DOCK7: variants seen among roughly 807,000 people sequenced by gnomAD.
DOCK7 encodes the protein dedicator of cytokinesis protein 7.
In DOCK7, 138 loss-of-function variants were observed where a neutral mutation model predicts 271.0. The ratio of observed to expected loss-of-function variants is 0.51; its 90% confidence interval spans 0.44 to 0.59. The LOEUF is 0.59. Among genes scored for constraint, DOCK7 ranks in the 20% least tolerant of loss-of-function variants. The pLI is 0.00. For synonymous variants in DOCK7, 823 were observed against 876.1 expected (o/e 0.94, Z 1.07); for missense variants, 2,066 against 2,592.4 (o/e 0.80, Z 4.41).
At chr1:62,615,189 T>A (rs2149576903) in intron 14 of DOCK7, among the ~76,000 whole-genome samples, 1 of 151,996 alleles carries the variant, frequency 6.6e-6, no homozygotes, top group Admixed American at 6.6e-5. Context: ...TCATATTTTG[T>A]TAAAGAAACT....
At chr1:62,587,299 T>TAAAAAAAAAAAAAAAAAAAAAA in intron 14 of DOCK7, among the ~76,000 whole-genome samples, 27 of 41,804 alleles carry the variant, frequency 6.5e-4, no homozygotes, top group Non-Finnish European at 1.0e-3. Flanking sequence ...ACCAAATAGC[T>TAAAAAAAAAAAAAAAAAAAAAA]AAAAAAAAAA....
intron 7 of DOCK7, among the ~76,000 whole-genome samples, chr1:62,646,801 G>C (rs1656724923): frequency 6.6e-6 from 1 of 152,200 alleles, no homozygotes. Context: ...TAATGAGTAT[G>C]TTCTCAAGTT....
At chr1:62,529,478 A>G (rs1241695647) in intron 29 of DOCK7, 32 bp from the exon 30 acceptor site, 1 of 1,551,826 alleles carries the variant, frequency 6.4e-7, no homozygotes, top group Non-Finnish European at 8.8e-7. Context: ...AAGAAGAAAA[A>G]GCAGTAAGGC....
chr1:62,479,798 C>T, intron 43 of DOCK7: 1 of 240,788 alleles, frequency 4.2e-6, no homozygotes. Context: ...ATCCTTCCAC[C>T]TCAGTCTCCT....
chr1:62,671,062 G>A (rs951375277), intron 1 of DOCK7, among the ~76,000 whole-genome samples: 8 of 151,938 alleles, frequency 5.3e-5, no homozygotes, highest in African/African-American at 1.7e-4. Flanking sequence ...AACACTCACC[G>A]CAAAGGTCTG....
chr1:62,535,715 A>G, intron 28 of DOCK7, 83 bp from the exon 29 acceptor site: 2 of 1,361,460 alleles, frequency 1.5e-6, no homozygotes, highest in Non-Finnish European at 2.0e-6. Flanking sequence ...GAAATGAAAT[A>G]CTTTTTCCCA....
chr1:62,669,529 A>G (rs1407001365), intron 1 of DOCK7, among the ~76,000 whole-genome samples: 1 of 152,176 alleles, frequency 6.6e-6, no homozygotes, highest in African/African-American at 2.4e-5. Flanking sequence ...ATGTCCCAAA[A>G]CAGGTTCATT....
At chr1:62,504,177 TTAAA>T (rs1646875091) in intron 37 of DOCK7, among the ~76,000 whole-genome samples, 1 of 152,030 alleles carries the variant, frequency 6.6e-6, no homozygotes, top group African/African-American at 2.4e-5. Flanking sequence ...ATTCAAGGCC[TTAAA>T]TACTTACATA....
chr1:62,622,179 T>C (rs1653335433), intron 12 of DOCK7, among the ~76,000 whole-genome samples: 1 of 152,242 alleles, frequency 6.6e-6, no homozygotes, highest in African/African-American at 2.4e-5. Flanking sequence ...GAGAGACATG[T>C]CACAGAGCTG....
At position 62,596,858 on chromosome 1, in the gene DOCK7, C is replaced by A. The variant is rs116514612; in HGVS notation, c.1683-10234G>T. ...GAGCCTAGAACACAGAGACACAGAACACAGTGGAGAAAAGGGAGTGAAATG... is the reference window on the plus strand; with the variant it reads ...GAGCCTAGAACACAGAGACACAGAAAACAGTGGAGAAAAGGGAGTGAAATG... On this transcript the variant is annotated intron_variant, in intron 14 of 49. Transcript: ENST00000635253. Among the ~76,000 whole-genome samples, 748 of 152,112 alleles carry A rather than the reference C, an allele frequency of 4.9e-3. 7 individuals carry two copies. The highest frequency in any genetic ancestry group is 0.018 in the African/African-American group (727 of 41,498).
chr1:62,494,635 T>C, intron 39 of DOCK7, 168 bp from the exon 40 acceptor site: 1 of 390,272 alleles, frequency 2.6e-6, no homozygotes, highest in Non-Finnish European at 4.3e-6. Flanking sequence ...GAAATAACTG[T>C]GGCCTATGGA....
intron 2 of DOCK7, among the ~76,000 whole-genome samples, chr1:62,656,805 G>C (rs867766479): frequency 2.0e-4 from 31 of 152,064 alleles, no homozygotes; most frequent in Middle Eastern, 6.8e-3. Context: ...GGAGGGCCGG[G>C]GGGTGGGGAG....
chr1:62,646,186 C>T lies in DOCK7; in HGVS notation c.818+1505G>A, dbSNP rs1656639121. ...AAAAAAAACAAAAAAAAAACCCACT[C>T]ATATATGCTATAACACAGATGAACG... On this transcript the variant is annotated intron_variant, in intron 7 of 49. Transcript: ENST00000635253. Among the ~76,000 whole-genome samples, 4 of 150,856 alleles carry T rather than the reference C, an allele frequency of 2.7e-5. No homozygotes were observed. The South Asian group carries it at 8.4e-4, about 32-fold the overall frequency.
chr1:62,519,028 C>CACACACAT (rs1644764660), intron 31 of DOCK7, among the ~76,000 whole-genome samples: 1 of 151,698 alleles, frequency 6.6e-6, no homozygotes, highest in Non-Finnish European at 1.5e-5. Context: ...CACACACACA[C>CACACACAT]ACACAGAGCA....
At chr1:62,671,878 AG>A (rs1375487879) in intron 1 of DOCK7, among the ~76,000 whole-genome samples, 3 of 152,046 alleles carry the variant, frequency 2.0e-5, no homozygotes, top group Non-Finnish European at 4.4e-5. Context: ...ATATCTGCAA[AG>A]GGCTGGTTAC....
intron 14 of DOCK7, among the ~76,000 whole-genome samples, chr1:62,589,071 C>T (rs1648033788): frequency 6.6e-6 from 1 of 152,144 alleles, no homozygotes; most frequent in African/African-American, 2.4e-5. Flanking sequence ...ATTAAGGTTG[C>T]CAAACGGTAA....
chr1:62,660,343 A>G lies in DOCK7; in HGVS notation c.144+2682T>C, dbSNP rs192056787. Among the ~76,000 whole-genome samples the G allele has an allele frequency of 1.6e-3, 237 of 152,358 alleles. 2 individuals carry two copies. The highest frequency in any genetic ancestry group is 5.0e-3 in the African/African-American group (209 of 41,586). ...TCCATGAGTTACAAAAGTCTGAAAA[A>G]TGAAATGAAAAAATACATTGAACTA... On this transcript the variant is annotated intron_variant, in intron 2 of 49. Transcript: ENST00000635253.
intron 1 of DOCK7, among the ~76,000 whole-genome samples, chr1:62,677,183 AG>A (rs1660629658): frequency 6.6e-6 from 1 of 152,198 alleles, no homozygotes; most frequent in Non-Finnish European, 1.5e-5. Flanking sequence ...TTCTTTGGTA[AG>A]GAACTAATTC....
rs186550300 is a variant in DOCK7 at position 62,672,183 on chromosome 1, A to G, written c.39-9053T>C. Among the ~76,000 whole-genome samples the G allele has an allele frequency of 1.2e-3, 188 of 152,276 alleles. 1 individual carries two copies. The highest frequency in any genetic ancestry group is 3.8e-3 in the African/African-American group (157 of 41,574). The stretch of plus-strand genomic sequence containing the variant: ...TCCTTCAAGAAATAGATGTGTATCT[A>G]TCATTACATATATAAGAAATCCTTA... On this transcript the variant is annotated intron_variant, in intron 1 of 49. Transcript: ENST00000635253.
Sources: allele counts gnomAD v4.1 joint callset (sites outside exome capture counted in the v4.1 genomes callset), GRCh38; gene constraint gnomAD v4.1.1; transcripts MANE v1.5; gene names NCBI Gene and HGNC (gene_info 2026-07-23, HGNC 2026-07-21).